CHCHD6: variants seen among roughly 807,000 people sequenced by gnomAD.
The protein encoded by CHCHD6 is MICOS complex subunit MIC25.
CHCHD6 carries 28 observed loss-of-function variants against 32.3 expected under a neutral mutation model. That is an observed-to-expected ratio of 0.87 (90% CI 0.64 to 1.19). CHCHD6 has a LOEUF of 1.19. CHCHD6 is among the 50% of genes most tolerant of loss of function. CHCHD6 has a pLI of 0.00. For missense variants in CHCHD6, 333 were observed against 307.0 expected (o/e 1.08, Z -0.63); for synonymous variants, 122 against 117.5 (o/e 1.04, Z -0.25).
intron 6 of CHCHD6, among the ~76,000 whole-genome samples, chr3:126,933,653 C>T (rs1178244106): frequency 2.0e-5 from 3 of 152,070 alleles, no homozygotes; most frequent in Non-Finnish European, 4.4e-5. Context: ...GGGCACCAAG[C>T]CATTCATGAG....
intron 1 of CHCHD6, among the ~76,000 whole-genome samples, chr3:126,713,164 A>AT (rs1048795249): frequency 3.3e-5 from 5 of 152,066 alleles, no homozygotes; most frequent in Admixed American, 1.3e-4. Flanking sequence ...CTACCAGGCT[A>AT]TTTTTTTTAA....
chr3:126,955,566 C>T lies in CHCHD6; in HGVS notation c.567-1850C>T, dbSNP rs187166694. Among the ~76,000 whole-genome samples, 7 of 152,352 alleles carry T rather than the reference C, an allele frequency of 4.6e-5. No individual in the cohort carries two copies. The East Asian group carries it at 1.2e-3, about 25-fold the overall frequency. ...GGGAAGGCGTGCTCTCCCTTCACAT[C>T]CTTTACCTTGGCGCTGGTGTGGCAT... On this transcript the variant is annotated intron_variant, in intron 6 of 7. Transcript: ENST00000290913.
At chr3:126,757,427 A>G (rs1386741424) in intron 4 of CHCHD6, among the ~76,000 whole-genome samples, 2 of 152,138 alleles carry the variant, frequency 1.3e-5, no homozygotes, top group Non-Finnish European at 2.9e-5. Context: ...GCTCAAAAGG[A>G]AAAGGGAAAA....
Position 126,766,556 on chromosome 3 carries a change from C to T in CHCHD6, c.411+33334C>T. Reference sequence around the variant, plus strand: ...ATGGTGACCTCTGAGAAAATGCCATCCAGAGTCTTCACCTCCTGGGCTGCA... The same window carrying T: ...ATGGTGACCTCTGAGAAAATGCCATTCAGAGTCTTCACCTCCTGGGCTGCA... On this transcript the variant is annotated intron_variant, in intron 4 of 7. Coordinates refer to ENST00000290913, the MANE Select transcript of CHCHD6 (RefSeq NM_032343.3). The T allele has an allele frequency of 2.7e-6, 3 of 1,113,866 alleles. 1 individual carries two copies. The South Asian group carries it at 3.7e-5, about 14-fold the overall frequency. The allele number at this position is 1,113,866 out of a possible 1,614,324, so 69.0% of individuals were successfully genotyped here.
chr3:126,840,083 C>CT (rs1390781928), intron 4 of CHCHD6, among the ~76,000 whole-genome samples: 3 of 152,216 alleles, frequency 2.0e-5, no homozygotes, highest in African/African-American at 7.2e-5. Context: ...TGTCTGGCTT[C>CT]TTTCACTTAG....
intron 4 of CHCHD6, among the ~76,000 whole-genome samples, chr3:126,739,618 G>A (rs948843987): frequency 6.6e-6 from 1 of 152,212 alleles, no homozygotes; most frequent in East Asian, 1.9e-4. Flanking sequence ...GACAACTTCA[G>A]TCTTCTGATA....
chr3:126,862,780 T>C lies in CHCHD6; in HGVS notation c.495+10050T>C, dbSNP rs1263991128. On this transcript the variant is annotated intron_variant, in intron 5 of 7. Coordinates refer to ENST00000290913, the MANE Select transcript of CHCHD6 (RefSeq NM_032343.3). ...CTCCTCCACCATCACCACCTCCTCC[T>C]CCTCCACCATCACCACCTTCCCCTC... is the stretch of plus-strand genomic sequence containing the variant. Among the ~76,000 whole-genome samples the C allele has an allele frequency of 2.8e-3, 12 of 4,220 alleles. 1 individual carries two copies. The highest frequency in any genetic ancestry group is 0.01 in the African/African-American group (4 of 384). The allele number at this position is 4,220 out of a possible 152,430, so 2.8% of individuals were successfully genotyped here.
chr3:126,823,900 CAAA>C (rs1206232068), intron 4 of CHCHD6, among the ~76,000 whole-genome samples: 2 of 151,480 alleles, frequency 1.3e-5, no homozygotes, highest in African/African-American at 4.9e-5. Flanking sequence ...AAAACAAAAA[CAAA>C]AACACACACA....
chr3:126,799,460 A>G (rs1415640591), intron 4 of CHCHD6, among the ~76,000 whole-genome samples: 1 of 152,216 alleles, frequency 6.6e-6, no homozygotes, highest in African/African-American at 2.4e-5. Flanking sequence ...ATTTATTTTC[A>G]GAGTACTCCT....
chr3:126,827,720 C>T (rs891862041), intron 4 of CHCHD6, among the ~76,000 whole-genome samples: 1 of 152,074 alleles, frequency 6.6e-6, no homozygotes, highest in Admixed American at 6.5e-5. Context: ...GATTTTTGAG[C>T]AAGAAAAAGA....
chr3:126,809,873 T>C (rs986722357), intron 4 of CHCHD6, among the ~76,000 whole-genome samples: 1 of 152,252 alleles, frequency 6.6e-6, no homozygotes, highest in Non-Finnish European at 1.5e-5. Flanking sequence ...CATGTTGCTC[T>C]GGTAGGAGCT....
intron 1 of CHCHD6, among the ~76,000 whole-genome samples, chr3:126,721,912 A>C (rs923885048): frequency 6.6e-6 from 1 of 151,994 alleles, no homozygotes; most frequent in African/African-American, 2.4e-5. Context: ...CCATGTTATA[A>C]TGTGTCAGTA....
intron 4 of CHCHD6, among the ~76,000 whole-genome samples, chr3:126,786,626 C>A (rs1559842868): frequency 6.6e-6 from 1 of 152,136 alleles, no homozygotes; most frequent in Non-Finnish European, 1.5e-5. Flanking sequence ...TAAATGTCTT[C>A]TTTTGAGAAG....
intron 5 of CHCHD6, among the ~76,000 whole-genome samples, chr3:126,877,578 C>A (rs1351198119): frequency 6.6e-6 from 1 of 150,596 alleles, no homozygotes; most frequent in Non-Finnish European, 1.5e-5. Flanking sequence ...ATTAGGTCAA[C>A]AAAGATGATG....
chr3:126,725,942 A>G (rs1055914245), intron 1 of CHCHD6, among the ~76,000 whole-genome samples: 1 of 152,208 alleles, frequency 6.6e-6, no homozygotes, highest in South Asian at 2.1e-4. Context: ...TTGATCTTCT[A>G]TCCAGACCAC....
intron 5 of CHCHD6, among the ~76,000 whole-genome samples, chr3:126,902,414 G>T (rs1014615861): frequency 1.3e-5 from 2 of 152,116 alleles, no homozygotes; most frequent in Non-Finnish European, 2.9e-5. Flanking sequence ...AGGACATTCA[G>T]ATTTTTAAAA....
chr3:126,913,435 A>G (rs2078124938), intron 5 of CHCHD6, among the ~76,000 whole-genome samples: 1 of 151,212 alleles, frequency 6.6e-6, no homozygotes, highest in Admixed American at 6.6e-5. Context: ...GGGTTTTGCC[A>G]TTTGGGCCAG....
intron 4 of CHCHD6, among the ~76,000 whole-genome samples, chr3:126,812,001 G>T (rs1939674689): frequency 6.6e-6 from 1 of 152,140 alleles, no homozygotes; most frequent in African/African-American, 2.4e-5. Context: ...GCTGCTTGTG[G>T]TGAGGGCAAG....
At chr3:126,899,751 C>T (rs1166084215) in intron 5 of CHCHD6, among the ~76,000 whole-genome samples, 1 of 152,238 alleles carries the variant, frequency 6.6e-6, no homozygotes, top group Non-Finnish European at 1.5e-5. Context: ...ACATTTTGTG[C>T]TCTTGCTGCA....
Sources: allele counts gnomAD v4.1 joint callset (sites outside exome capture counted in the v4.1 genomes callset), GRCh38; gene constraint gnomAD v4.1.1; transcripts MANE v1.5; gene names NCBI Gene and HGNC (gene_info 2026-07-23, HGNC 2026-07-21).